Variants in BCKDHB observed in about 807,000 individuals in gnomAD.
BCKDHB encodes 2-oxoisovalerate dehydrogenase subunit beta, mitochondrial.
A neutral mutation model predicts 48.5 loss-of-function variants in BCKDHB; 41 were observed. The observed-to-expected ratio is 0.85, with a 90% CI of 0.66 to 1.10. The LOEUF is 1.10. Among genes scored for constraint, BCKDHB ranks in the 50% least tolerant of loss-of-function variants. BCKDHB has a pLI of 0.00. For synonymous variants in BCKDHB, 201 were observed against 174.8 expected (o/e 1.15, Z -1.18); for missense variants, 496 against 494.2 (o/e 1.00, Z -0.03).
At chr6:80,149,190 C>T (rs1381814389) in intron 3 of BCKDHB, among the ~76,000 whole-genome samples, 1 of 152,152 alleles carries the variant, frequency 6.6e-6, no homozygotes, top group Non-Finnish European at 1.5e-5. Context: ...CAAAAGAAGA[C>T]ATTTATGCAG....
chr6:80,187,107 A>T (rs1445688698), intron 6 of BCKDHB, among the ~76,000 whole-genome samples: 1 of 152,192 alleles, frequency 6.6e-6, no homozygotes. Context: ...TGTCTGTCCA[A>T]ATGGGAGCTA....
intron 8 of BCKDHB, among the ~76,000 whole-genome samples, chr6:80,268,429 G>A (rs897403353): frequency 3.3e-5 from 5 of 152,038 alleles, no homozygotes; most frequent in Non-Finnish European, 7.4e-5. Context: ...ACCAGCTTTG[G>A]TGTTTCTTTT....
At chr6:80,269,707 A>G (rs1175282898) in intron 8 of BCKDHB, among the ~76,000 whole-genome samples, 2 of 152,166 alleles carry the variant, frequency 1.3e-5, no homozygotes, top group Non-Finnish European at 2.9e-5. Flanking sequence ...GTTTCAAGTG[A>G]TGAAATGAAT....
In BCKDHB at chr6:80,169,304, A is replaced by G. The variant is rs1002130149; in HGVS notation, c.633+274A>G. 1.4e-4 allele frequency among the ~76,000 whole-genome samples: 21 copies of G among 152,218 alleles called. 1 individual carries two copies. The highest frequency in any genetic ancestry group is 3.9e-4 in the African/African-American group (16 of 41,454). On this transcript the variant is annotated intron_variant, in intron 5 of 9. Transcript: ENST00000320393. Reference sequence around the variant, plus strand: ...GACTTCAAAGAATAAGACCAAGAACATAGTTGGTTTACCTCCCCTCTCTTT... The same window carrying G: ...GACTTCAAAGAATAAGACCAAGAACGTAGTTGGTTTACCTCCCCTCTCTTT...
At chr6:80,125,624 A>C (rs529991570) in intron 1 of BCKDHB, among the ~76,000 whole-genome samples, 1 of 152,294 alleles carries the variant, frequency 6.6e-6, no homozygotes, top group African/African-American at 2.4e-5. Flanking sequence ...CTGTAGGTCT[A>C]ATTTTCATAT....
chr6:80,322,204 T>G (rs1768764896), intron 9 of BCKDHB, among the ~76,000 whole-genome samples: 1 of 151,806 alleles, frequency 6.6e-6, no homozygotes, highest in African/African-American at 2.4e-5. Context: ...TCACACATTC[T>G]CTCTTAGACA....
At chr6:80,308,829 G>C (rs961698635) in intron 9 of BCKDHB, among the ~76,000 whole-genome samples, 1 of 151,592 alleles carries the variant, frequency 6.6e-6, no homozygotes, top group African/African-American at 2.4e-5. Context: ...TCATCTGCCC[G>C]CCTTGGCCTC....
intron 9 of BCKDHB, among the ~76,000 whole-genome samples, chr6:80,329,650 C>G (rs1315156638): frequency 6.6e-6 from 1 of 152,070 alleles, no homozygotes; most frequent in Admixed American, 6.6e-5. Flanking sequence ...CTTTCATAGG[C>G]CTTCTCTCAA....
chr6:80,444,664 A>C, the BCKDHB span, among the ~76,000 whole-genome samples: 23 of 152,206 alleles, frequency 1.5e-4, no homozygotes, highest in African/African-American at 5.5e-4. Context: ...GCTGAATTGA[A>C]TTCAACAACT....
the BCKDHB span, chr6:80,356,100 C>T: frequency 0.21 from 31,198 of 152,056 alleles, 3,707 homozygotes; most frequent in South Asian, 0.37. Context: ...GAACCTTTGT[C>T]CCTCTCCAGG....
chr6:80,464,519 A>C, the BCKDHB span, among the ~76,000 whole-genome samples: 1 of 152,320 alleles, frequency 6.6e-6, no homozygotes, highest in South Asian at 2.1e-4. Context: ...AATTTCTATG[A>C]ATAATTGCTC....
the BCKDHB span, among the ~76,000 whole-genome samples, chr6:80,396,270 G>C: frequency 2.0e-5 from 3 of 152,204 alleles, no homozygotes; most frequent in African/African-American, 7.2e-5. Context: ...GAGGGGTGCT[G>C]TTCCCTGCAA....
chr6:80,436,391 T>C, the BCKDHB span, among the ~76,000 whole-genome samples: 3 of 152,060 alleles, frequency 2.0e-5, no homozygotes, highest in African/African-American at 7.2e-5. Context: ...CTCCATCTCC[T>C]GACCTCGTGA....
the BCKDHB span, among the ~76,000 whole-genome samples, chr6:80,359,738 G>A: frequency 1.3e-5 from 2 of 152,074 alleles, no homozygotes; most frequent in Non-Finnish European, 2.9e-5. Context: ...GGGATTACAG[G>A]TGCGTGCCAC....
At chr6:80,446,518 A>G in the BCKDHB span, among the ~76,000 whole-genome samples, 1 of 152,186 alleles carries the variant, frequency 6.6e-6, no homozygotes, top group Non-Finnish European at 1.5e-5. Flanking sequence ...CCCTTGGAGC[A>G]TGGAGCACGA....
chr6:80,209,036 C>G (rs1774800519), intron 8 of BCKDHB, among the ~76,000 whole-genome samples: 1 of 151,758 alleles, frequency 6.6e-6, no homozygotes, highest in African/African-American at 2.4e-5. Flanking sequence ...GATACAATTC[C>G]TCATGTTAAC....
At position 80,168,970 on chromosome 6, in the gene BCKDHB, T is replaced by C. The variant is rs1280521091; in HGVS notation, c.573T>C (p.His191=). The change falls in exon 5 of 10, where the codon CAT becomes CAC. Residue 191 remains histidine (H), a synonymous_variant. Coordinates refer to ENST00000320393, the MANE Select transcript of BCKDHB (RefSeq NM_183050.4). ...TIRSPWGCVG[H]GALYHSQSPE... ...GGTCCCCTTGGGGCTGTGTTGGTCA[T>C]GGGGCTCTCTATCATTCTCAGAGTC... is the stretch of plus-strand genomic sequence containing the variant. 3 of 1,614,208 alleles carry C rather than the reference T, an allele frequency of 1.9e-6. No homozygotes were observed. In the Admixed American group the frequency reaches 5.0e-5, roughly 27 times the overall value.
the BCKDHB span, among the ~76,000 whole-genome samples, chr6:80,363,448 A>C: frequency 6.6e-6 from 1 of 152,188 alleles, no homozygotes; most frequent in Non-Finnish European, 1.5e-5. Context: ...TTTTCAAATA[A>C]AAGATCATCA....
chr6:80,417,662 C>A, the BCKDHB span, among the ~76,000 whole-genome samples: 1 of 152,142 alleles, frequency 6.6e-6, no homozygotes, highest in African/African-American at 2.4e-5. Context: ...ATATTGTCTC[C>A]CAACCTCTTC....
Sources: gnomAD v4.1 joint callset for allele counts (sites outside exome capture counted in the v4.1 genomes callset) on GRCh38, gnomAD v4.1.1 for gene constraint, MANE v1.5 for transcripts, NCBI Gene and HGNC (gene_info 2026-07-23, HGNC 2026-07-21) for gene names.